LRRC4C: variants seen among roughly 807,000 people sequenced by gnomAD.
LRRC4C encodes leucine rich repeat containing 4C.
Under a neutral mutation model 33.6 loss-of-function variants are expected in LRRC4C, and 5 were observed. The observed-to-expected ratio is 0.15, with a 90% CI of 0.08 to 0.31. The LOEUF (loss-of-function observed/expected upper bound fraction) is 0.31. LRRC4C is among the 10% of genes least tolerant of loss of function. The pLI, the probability that LRRC4C is intolerant of heterozygous loss-of-function variation, is 1.00. For synonymous variants in LRRC4C, 329 were observed against 302.0 expected, an observed-to-expected ratio of 1.09 and a Z score of -0.93; for missense variants, 560 against 796.7, an observed-to-expected ratio of 0.70 and a Z score of 3.58.
chr11:40,637,433 T>C (rs1941822075), intron 3 of LRRC4C, among the ~76,000 whole-genome samples: 1 of 152,196 alleles, frequency 6.6e-6, no homozygotes, highest in South Asian at 2.1e-4. Context: ...TGCTTTCATA[T>C]AGATTACCTT....
At chr11:41,183,878 G>A (rs1159764410) in intron 1 of LRRC4C, among the ~76,000 whole-genome samples, 2 of 152,176 alleles carry the variant, frequency 1.3e-5, no homozygotes, top group Non-Finnish European at 2.9e-5. Flanking sequence ...CTGAAATCTA[G>A]GCAGAGGTTC....
intron 3 of LRRC4C, among the ~76,000 whole-genome samples, chr11:40,533,674 G>A (rs1299600279): frequency 6.6e-6 from 1 of 152,094 alleles, no homozygotes. Context: ...GAGAGGCATA[G>A]TCAGAGAAGC....
At chr11:40,952,578 T>G (rs2136740956) in intron 1 of LRRC4C, among the ~76,000 whole-genome samples, 1 of 152,070 alleles carries the variant, frequency 6.6e-6, no homozygotes, top group Non-Finnish European at 1.5e-5. Context: ...GTAAATAATT[T>G]ACTGAGACTG....
chr11:40,410,140 G>C (rs1435260916), intron 3 of LRRC4C, among the ~76,000 whole-genome samples: 1 of 148,574 alleles, frequency 6.7e-6, no homozygotes, highest in Non-Finnish European at 1.5e-5. Context: ...GCTCTTTACA[G>C]AAAAAAAAAA....
intron 5 of LRRC4C, among the ~76,000 whole-genome samples, chr11:40,163,285 T>G (rs1040887127): frequency 4.6e-5 from 7 of 152,236 alleles, no homozygotes; most frequent in Admixed American, 3.3e-4. Flanking sequence ...TCACATTATC[T>G]TGAAGGTTTG....
At chr11:41,455,900 C>T (rs1197219788) in intron 1 of LRRC4C, among the ~76,000 whole-genome samples, 4 of 152,022 alleles carry the variant, frequency 2.6e-5, no homozygotes, top group Non-Finnish European at 4.4e-5. Flanking sequence ...TTTTTTTCTT[C>T]TAATTTTAAC....
chr11:40,452,967 T>C (rs1951957344), intron 3 of LRRC4C, among the ~76,000 whole-genome samples: 1 of 136,210 alleles, frequency 7.3e-6, no homozygotes. Context: ...CACTCATCGG[T>C]GGGAATCGAA....
intron 1 of LRRC4C, among the ~76,000 whole-genome samples, chr11:41,254,216 A>G (rs1023519948): frequency 1.3e-5 from 2 of 152,054 alleles, no homozygotes; most frequent in African/African-American, 4.8e-5. Flanking sequence ...CATTTTACTT[A>G]TTTAGGTAGT....
chr11:40,993,148 A>G (rs1302408099), intron 1 of LRRC4C, among the ~76,000 whole-genome samples: 2 of 152,128 alleles, frequency 1.3e-5, no homozygotes, highest in African/African-American at 2.4e-5. Flanking sequence ...TGTATACTTC[A>G]TTTCATTTCA....
intron 4 of LRRC4C, among the ~76,000 whole-genome samples, chr11:40,291,048 G>A (rs540544421): frequency 2.0e-5 from 3 of 152,066 alleles, no homozygotes; most frequent in African/African-American, 7.2e-5. Flanking sequence ...AAGAGTTATA[G>A]CTTCTCTAGG....
chr11:40,821,975 T>C (rs1479888474), intron 2 of LRRC4C, among the ~76,000 whole-genome samples: 1 of 151,970 alleles, frequency 6.6e-6, no homozygotes, highest in East Asian at 1.9e-4. Flanking sequence ...TATAAGGATA[T>C]CTATCCCCTT....
chr11:40,313,164 A>G (rs1298471176), intron 4 of LRRC4C, among the ~76,000 whole-genome samples: 4 of 152,058 alleles, frequency 2.6e-5, no homozygotes, highest in Non-Finnish European at 5.9e-5. Flanking sequence ...TAATCGATCA[A>G]ATAGATTTGT....
intron 5 of LRRC4C, among the ~76,000 whole-genome samples, chr11:40,176,227 A>AT: frequency 6.6e-6 from 1 of 152,206 alleles, no homozygotes; most frequent in Non-Finnish European, 1.5e-5. Flanking sequence ...GTCAAGTGGT[A>AT]TAATAAGACT....
chr11:40,675,812 G>C (rs994792015), intron 2 of LRRC4C, among the ~76,000 whole-genome samples: 4 of 152,078 alleles, frequency 2.6e-5, no homozygotes, highest in Admixed American at 1.3e-4. Context: ...TTCTGTTAAA[G>C]TTTTTTTGGA....
At chr11:40,299,232 G>A (rs558973528) in intron 4 of LRRC4C, among the ~76,000 whole-genome samples, 4 of 152,286 alleles carry the variant, frequency 2.6e-5, no homozygotes, top group African/African-American at 9.6e-5. Context: ...AAGCATTATG[G>A]AAGTCATCAC....
chr11:41,057,700 T>A (rs1404907249), intron 1 of LRRC4C, among the ~76,000 whole-genome samples: 1 of 152,152 alleles, frequency 6.6e-6, no homozygotes. Context: ...GCCTCCTCTC[T>A]GCTGACAGTT....
At chr11:40,288,598 C>T (rs1361341425) in intron 4 of LRRC4C, among the ~76,000 whole-genome samples, 3 of 152,302 alleles carry the variant, frequency 2.0e-5, no homozygotes, top group Admixed American at 6.5e-5. Context: ...CCATGACTGC[C>T]TGCCTCAGAA....
At chr11:41,352,858 G>T (rs1952029235) in intron 1 of LRRC4C, among the ~76,000 whole-genome samples, 2 of 151,964 alleles carry the variant, frequency 1.3e-5, no homozygotes, top group African/African-American at 4.8e-5. Context: ...GAATCTCTGG[G>T]ACATAGACAA....
chr11:40,186,761 T>C (rs905094698), intron 5 of LRRC4C, among the ~76,000 whole-genome samples: 1 of 152,178 alleles, frequency 6.6e-6, no homozygotes, highest in Non-Finnish European at 1.5e-5. Context: ...AAGGTAGGCT[T>C]CCTGAAAGCC....
Sources: allele counts gnomAD v4.1 joint callset (sites outside exome capture counted in the v4.1 genomes callset), GRCh38; gene constraint gnomAD v4.1.1; transcripts MANE v1.5; gene names NCBI Gene and HGNC (gene_info 2026-07-23, HGNC 2026-07-21).